Variants in PRSS23 observed in about 807,000 individuals in gnomAD.
PRSS23 encodes the protein serine protease 23.
A neutral mutation model predicts 34.7 loss-of-function variants in PRSS23; 25 were observed. The observed-to-expected ratio is 0.72, with a 90% confidence interval of 0.53 to 1.01. The LOEUF (loss-of-function observed/expected upper bound fraction) is 1.01, where lower values mean the gene tolerates loss of function less well. Among genes scored for constraint, PRSS23 ranks in the 50% least tolerant of loss-of-function variants. The pLI, the probability that PRSS23 is intolerant of heterozygous loss-of-function variation, is 0.00. For synonymous variants in PRSS23, 176 were observed against 186.6 expected, an observed-to-expected ratio of 0.94 and a Z score of 0.46; for missense variants, 445 against 475.6, an observed-to-expected ratio of 0.94 and a Z score of 0.60.
At chr11:86,868,940 T>A (rs1948667768) in intron 2 of PRSS23, among the ~76,000 whole-genome samples, 1 of 152,074 alleles carries the variant, frequency 6.6e-6, no homozygotes. Context: ...GCCTTCTGAG[T>A]AGCTGGGACT....
chr11:86,952,137 C>T (rs1949299176), exon 3 of PRSS23: 3 of 1,613,030 alleles, frequency 1.9e-6, no homozygotes, highest in Non-Finnish European at 2.5e-6. Context: ...AAGCCAGCAT[C>T]ATAGCCACAC....
At chr11:86,800,043 A>C (rs1008584764), upstream of PRSS23, among the ~76,000 whole-genome samples, 1 of 152,102 alleles carries the variant, frequency 6.6e-6, no homozygotes, top group African/African-American at 2.4e-5. Flanking sequence ...CCAATTCTTC[A>C]AATTTGCCCA....
chr11:86,917,876 C>T (rs1489293799), intron 2 of PRSS23, among the ~76,000 whole-genome samples: 2 of 152,174 alleles, frequency 1.3e-5, no homozygotes, highest in Non-Finnish European at 2.9e-5. Context: ...GCACCAAGCA[C>T]AGGAAATTAA....
intron 2 of PRSS23, among the ~76,000 whole-genome samples, chr11:86,919,714 G>C (rs1949035569): frequency 6.6e-6 from 1 of 152,170 alleles, no homozygotes; most frequent in East Asian, 1.9e-4. Context: ...AAAGTTCTTT[G>C]CAGTGTTTCT....
intron 2 of PRSS23, among the ~76,000 whole-genome samples, chr11:86,895,652 A>G (rs1429677713): frequency 6.6e-6 from 1 of 151,524 alleles, no homozygotes; most frequent in African/African-American, 2.4e-5. Flanking sequence ...GCTAATTTTT[A>G]TATTTTCTAT....
chr11:86,855,790 C>T (rs1349442870), intron 2 of PRSS23, among the ~76,000 whole-genome samples: 3 of 152,176 alleles, frequency 2.0e-5, no homozygotes, highest in East Asian at 3.8e-4. Flanking sequence ...CATGAGCCAC[C>T]ACCCCTGGCC....
intron 2 of PRSS23, among the ~76,000 whole-genome samples, chr11:86,868,196 G>A (rs904197836): frequency 3.3e-5 from 5 of 152,188 alleles, no homozygotes; most frequent in Non-Finnish European, 7.3e-5. Flanking sequence ...GAGCATGAAG[G>A]ACAAAGGCTG....
At chr11:86,844,715 T>C (rs564192035) in intron 2 of PRSS23, among the ~76,000 whole-genome samples, 29 of 152,338 alleles carry the variant, frequency 1.9e-4, no homozygotes, top group African/African-American at 6.7e-4. Context: ...CGTCATGACA[T>C]AGAAACAAAC....
chr11:86,899,957 A>T (rs112359813), intron 2 of PRSS23, among the ~76,000 whole-genome samples: 117 of 148,518 alleles, frequency 7.9e-4, no homozygotes, highest in Non-Finnish European at 1.6e-3. Context: ...AGTTGTCTTT[A>T]AAAAAAAAAA....
intron 2 of PRSS23, among the ~76,000 whole-genome samples, chr11:86,879,160 T>C (rs1273995249): frequency 7.5e-6 from 1 of 132,834 alleles, no homozygotes; most frequent in Non-Finnish European, 1.6e-5. Flanking sequence ...CCGGCCGCCA[T>C]CCCATCTAGG....
At chr11:86,864,325 G>A (rs1433003302) in intron 2 of PRSS23, among the ~76,000 whole-genome samples, 1 of 152,168 alleles carries the variant, frequency 6.6e-6, no homozygotes, top group East Asian at 1.9e-4. Context: ...TCAGACAGCT[G>A]CAACAGGCTC....
At chr11:86,871,586 G>A (rs1347961735) in intron 2 of PRSS23, among the ~76,000 whole-genome samples, 2 of 152,298 alleles carry the variant, frequency 1.3e-5, no homozygotes, top group East Asian at 3.9e-4. Context: ...AAACATCAGA[G>A]AACTGCAATC....
chr11:86,831,648 C>T (rs1948356990), intron 2 of PRSS23, among the ~76,000 whole-genome samples: 1 of 151,136 alleles, frequency 6.6e-6, no homozygotes, highest in Non-Finnish European at 1.5e-5. Context: ...TGATATCATT[C>T]CTAATATTCT....
At chr11:86,853,226 T>G (rs2134921364) in intron 2 of PRSS23, among the ~76,000 whole-genome samples, 1 of 144,976 alleles carries the variant, frequency 6.9e-6, no homozygotes, top group South Asian at 2.2e-4. Flanking sequence ...TTGCAGCCTG[T>G]GTCACAAGTG....
intron 1 of PRSS23, among the ~76,000 whole-genome samples, chr11:86,806,592 C>A (rs979743119): frequency 6.6e-6 from 1 of 152,194 alleles, no homozygotes. Context: ...CTGTGGCATA[C>A]TATTTCTCAA....
intron 2 of PRSS23, among the ~76,000 whole-genome samples, chr11:86,830,087 C>G (rs1012518409): frequency 7.2e-5 from 11 of 152,146 alleles, no homozygotes; most frequent in African/African-American, 1.2e-4. Flanking sequence ...GTGCCCTGCC[C>G]CCAGAGGTGG....
intron 2 of PRSS23, among the ~76,000 whole-genome samples, chr11:86,938,214 A>T (rs369375916): frequency 1.3e-5 from 2 of 152,328 alleles, no homozygotes; most frequent in African/African-American, 4.8e-5. Context: ...AAGCTCAAAC[A>T]CATCTAGAGG....
At chr11:86,840,510 T>C (rs1948439444) in intron 2 of PRSS23, among the ~76,000 whole-genome samples, 1 of 152,146 alleles carries the variant, frequency 6.6e-6, no homozygotes, top group Non-Finnish European at 1.5e-5. Flanking sequence ...ACAATAATAA[T>C]GGGAGGCTTT....
chr11:86,851,832 T>C (rs192087837), intron 2 of PRSS23, among the ~76,000 whole-genome samples: 2 of 152,306 alleles, frequency 1.3e-5, no homozygotes, highest in Admixed American at 1.3e-4. Context: ...ATAATCTTTC[T>C]GTTGTGCTTA....
Sources: gnomAD v4.1 joint callset for allele counts (sites outside exome capture counted in the v4.1 genomes callset) on GRCh38, gnomAD v4.1.1 for gene constraint, MANE v1.5 for transcripts, NCBI Gene and HGNC (gene_info 2026-07-23, HGNC 2026-07-21) for gene names.